Variants in AHI1 observed in about 807,000 individuals in gnomAD.
AHI1 encodes the protein jouberin.
In AHI1, 123 loss-of-function variants were observed where a neutral mutation model predicts 149.3. The observed-to-expected ratio is 0.82, with a 90% confidence interval of 0.71 to 0.96. AHI1 has a LOEUF of 0.96. Among genes scored for constraint, AHI1 ranks in the 40% least tolerant of loss-of-function variants. The pLI, the probability that AHI1 is intolerant of heterozygous loss-of-function variation, is 0.00. For synonymous variants in AHI1, 475 were observed against 459.8 expected, an observed-to-expected ratio of 1.03 and a Z score of -0.42; for missense variants, 1,439 against 1,422.7, an observed-to-expected ratio of 1.01 and a Z score of -0.18.
chr6:135,327,281 T>C (rs774836799), intron 24 of AHI1, among the ~76,000 whole-genome samples: 1 of 152,162 alleles, frequency 6.6e-6, no homozygotes, highest in Non-Finnish European at 1.5e-5. Flanking sequence ...TTGTATCCAT[T>C]TCAGGTCCTC....
chr6:135,310,213 C>A (rs1167783571), intron 26 of AHI1, among the ~76,000 whole-genome samples: 2 of 152,146 alleles, frequency 1.3e-5, no homozygotes, highest in Non-Finnish European at 2.9e-5. Context: ...AATTCAGATT[C>A]ATTCCTGGTA....
intron 17 of AHI1, among the ~76,000 whole-genome samples, chr6:135,430,883 T>C (rs1784552943): frequency 6.6e-6 from 1 of 151,984 alleles, no homozygotes; most frequent in Admixed American, 6.6e-5. Context: ...TAATAGGAAA[T>C]ATAAATTATT....
intron 23 of AHI1, among the ~76,000 whole-genome samples, chr6:135,368,513 G>C (rs1028545395): frequency 1.3e-5 from 2 of 152,118 alleles, no homozygotes; most frequent in African/African-American, 4.8e-5. Flanking sequence ...GTGGTGGTGG[G>C]GGGCACCCGC....
chr6:135,494,259 G>A (rs1475377390), intron 3 of AHI1, among the ~76,000 whole-genome samples: 5 of 152,212 alleles, frequency 3.3e-5, no homozygotes, highest in African/African-American at 1.2e-4. Flanking sequence ...GACTCAAAGG[G>A]TTGTTGTAAG....
chr6:135,489,298 C>T (rs547334396), intron 5 of AHI1, among the ~76,000 whole-genome samples: 1 of 152,164 alleles, frequency 6.6e-6, no homozygotes, highest in African/African-American at 2.4e-5. Flanking sequence ...TGCCCCTCAA[C>T]ATTTAAACTG....
At chr6:135,449,418 C>T (rs1207829402) in intron 11 of AHI1, among the ~76,000 whole-genome samples, 1 of 152,090 alleles carries the variant, frequency 6.6e-6, no homozygotes, top group Non-Finnish European at 1.5e-5. Context: ...TTCATTAGAC[C>T]ATGACTCAAA....
Position 135,442,577 on chromosome 6 carries a change from C to T in AHI1, c.1912+5G>A. 6.2e-7 allele frequency: 1 copy of T among 1,605,158 alleles called. No individual in the cohort carries two copies. The highest frequency in any genetic ancestry group is 8.5e-7 in the Non-Finnish European group (1 of 1,175,364). ...TCAGATTAAACAGGTAGGATTATTACTCACAAATAATTGGATATCCATCCC... is the reference window on the plus strand; with the variant it reads ...TCAGATTAAACAGGTAGGATTATTATTCACAAATAATTGGATATCCATCCC... On this transcript the variant is annotated splice_donor_5th_base_variant and intron_variant, in intron 14 of 28. Transcript: ENST00000265602.
rs563681640 is a variant in AHI1, at chr6:135,479,481, G to A, written c.135+11142C>T. Among the ~76,000 whole-genome samples the A allele has an allele frequency of 4.6e-5, 7 of 152,364 alleles. No homozygotes were observed. The East Asian group carries it at 1.3e-3, about 29-fold the overall frequency. ...GACTGCCCTGCTGGGTTCTGGACTT[G>A]CATGGGGCCTATAGCCCCTTTGTTT... On this transcript the variant is annotated intron_variant, in intron 5 of 28. Coordinates refer to ENST00000265602, the MANE Select transcript of AHI1 (RefSeq NM_001134831.2).
At chr6:135,442,120 C>T (rs1418595030) in intron 14 of AHI1, among the ~76,000 whole-genome samples, 1 of 152,014 alleles carries the variant, frequency 6.6e-6, no homozygotes, top group African/African-American at 2.4e-5. Flanking sequence ...AATTGCTTGG[C>T]CTCTCTGCTG....
rs143614246 is a variant in AHI1, at chr6:135,294,418, A to G, written c.3486-3893T>C. 2.2e-3 allele frequency among the ~76,000 whole-genome samples: 336 copies of G among 152,222 alleles called. 2 individuals are homozygous for G. Among genetic ancestry groups the G allele is most frequent in the African/African-American group, 7.3e-3 (304 of 41,532 alleles). ...ACGCTACTTGGGTGGCTGAGGCAGG[A>G]GAACTGCTTGAACCCTGGAGGCAGA... On this transcript the variant is annotated intron_variant, in intron 27 of 28. Transcript: ENST00000265602.
intron 11 of AHI1, among the ~76,000 whole-genome samples, chr6:135,452,622 A>G (rs954735586): frequency 3.3e-5 from 5 of 152,196 alleles, no homozygotes; most frequent in Non-Finnish European, 5.9e-5. Flanking sequence ...ATTGCTCTTT[A>G]AATTCTATAA....
At chr6:135,435,926 C>T (rs57820027) in intron 15 of AHI1, among the ~76,000 whole-genome samples, 5,172 of 152,170 alleles carry the variant, frequency 0.034, 143 homozygotes, top group African/African-American at 0.069. Flanking sequence ...AGATGAACAC[C>T]ACTCTGAGTT....
At chr6:135,378,925 TTC>T (rs1562619489) in intron 23 of AHI1, among the ~76,000 whole-genome samples, 1 of 152,134 alleles carries the variant, frequency 6.6e-6, no homozygotes, top group African/African-American at 2.4e-5. Flanking sequence ...CCCCTAATAG[TTC>T]TTAGTTTCTT....
At chr6:135,397,178 T>C (rs1173668311) in intron 22 of AHI1, among the ~76,000 whole-genome samples, 1 of 151,958 alleles carries the variant, frequency 6.6e-6, no homozygotes, top group Non-Finnish European at 1.5e-5. Context: ...ATTATTACTG[T>C]TATTATTAGA....
At chr6:135,371,241 A>G (rs1041585030) in intron 23 of AHI1, among the ~76,000 whole-genome samples, 2 of 152,174 alleles carry the variant, frequency 1.3e-5, no homozygotes, top group Non-Finnish European at 2.9e-5. Flanking sequence ...TTGAATTGTC[A>G]TTTGGTTACA....
At chr6:135,393,971 G>C (rs953501241) in intron 23 of AHI1, among the ~76,000 whole-genome samples, 13 of 151,984 alleles carry the variant, frequency 8.6e-5, no homozygotes, top group Admixed American at 6.6e-5. Flanking sequence ...AAAATAACTT[G>C]TATATGTAAG....
At chr6:135,351,513 A>T (rs2128425665) in intron 24 of AHI1, among the ~76,000 whole-genome samples, 1 of 152,342 alleles carries the variant, frequency 6.6e-6, no homozygotes, top group African/African-American at 2.4e-5. Context: ...CCAAAGAATC[A>T]GGACTTGACA....
intron 28 of AHI1, among the ~76,000 whole-genome samples, chr6:135,288,974 T>A (rs1478688005): frequency 6.6e-6 from 1 of 152,054 alleles, no homozygotes; most frequent in Non-Finnish European, 1.5e-5. Flanking sequence ...TATCATAAGT[T>A]TGAAACTTGT....
At position 135,402,893 on chromosome 6, in the gene AHI1, AT is replaced by A. The variant is rs1193546370; in HGVS notation, c.2988+2057del. 9.7e-4 allele frequency among the ~76,000 whole-genome samples: 147 copies of A among 152,174 alleles called. 1 individual carries two copies. The highest frequency in any genetic ancestry group is 9.5e-3 in the Admixed American group (145 of 15,268). On this transcript the variant is annotated intron_variant, in intron 22 of 28. Coordinates refer to ENST00000265602, the MANE Select transcript of AHI1 (RefSeq NM_001134831.2). ...AGTCAACAGCAGGCGATGAGTACTTATTTTTTTGGGGAGTCAAAAGTTATAC... is the reference window on the plus strand; with the variant it reads ...AGTCAACAGCAGGCGATGAGTACTTATTTTTTGGGGAGTCAAAAGTTATAC...
Sources: allele counts gnomAD v4.1 joint callset (sites outside exome capture counted in the v4.1 genomes callset), GRCh38; gene constraint gnomAD v4.1.1; transcripts MANE v1.5; gene names NCBI Gene and HGNC (gene_info 2026-07-23, HGNC 2026-07-21).